Variants in SOAT2 observed in about 807,000 individuals in gnomAD.
SOAT2 encodes the protein ACAT-2.
In SOAT2, 87 loss-of-function variants were observed where a neutral mutation model predicts 76.0. That is an observed-to-expected ratio of 1.14 (90% confidence interval 0.96 to 1.37). The LOEUF (loss-of-function observed/expected upper bound fraction) is 1.37, where lower values mean the gene tolerates loss of function less well. Ranked by LOEUF, SOAT2 falls within the 40% of genes most tolerant of loss-of-function variation. The pLI is 0.00. For synonymous variants in SOAT2, 285 were observed against 275.4 expected, an observed-to-expected ratio of 1.03 and a Z score of -0.34; for missense variants, 686 against 682.1, an observed-to-expected ratio of 1.01 and a Z score of -0.06.
intron 5 of SOAT2, among the ~76,000 whole-genome samples, chr12:53,112,649 T>C (rs918026441): frequency 6.6e-6 from 1 of 151,656 alleles, no homozygotes; most frequent in African/African-American, 2.4e-5. Flanking sequence ...CACATACGTA[T>C]ACACATCTTG....
rs1372289829 is a variant in SOAT2, at chr12:53,120,868, C to T, written c.1122C>T (p.Asp374=). Residue 374 remains aspartate, a synonymous_variant, in exon 11 of 15, where the codon GAC becomes GAT. Transcript: ENST00000301466. ...TTGCCGAGATGCTACGATTTGGAGA[C>T]AGGATGTTCTACCGGGTGGGGCCTG... ...NAFAEMLRFG[D]RMFYRDWWNS... 4 of 1,613,708 alleles carry T rather than the reference C, an allele frequency of 2.5e-6. No individual in the cohort carries two copies. The highest frequency in any genetic ancestry group is 3.4e-6 in the Non-Finnish European group (4 of 1,179,782).
chr12:53,121,426 G>T (rs752220734), intron 12 of SOAT2, 25 bp downstream of exon 12: 4 of 1,566,726 alleles, frequency 2.6e-6, no homozygotes, highest in Non-Finnish European at 3.5e-6. Flanking sequence ...GACCCCTTCA[G>T]CTCTCACAGT....
chr12:53,108,155 T>C (rs1937963768), intron 5 of SOAT2, among the ~76,000 whole-genome samples: 1 of 152,194 alleles, frequency 6.6e-6, no homozygotes, highest in Non-Finnish European at 1.5e-5. Context: ...TTTGTACCAA[T>C]AAATACCTAT....
intron 10 of SOAT2, 33 bp from the exon 11 acceptor site, chr12:53,120,753 C>T (rs1288112338): frequency 1.5e-5 from 23 of 1,551,676 alleles, no homozygotes; most frequent in Non-Finnish European, 2.0e-5. Flanking sequence ...TGTGGGCCAG[C>T]CTGACCTGCA....
chr12:53,114,037 T>C (rs998293953), intron 5 of SOAT2, among the ~76,000 whole-genome samples: 12 of 152,218 alleles, frequency 7.9e-5, no homozygotes, highest in Admixed American at 7.2e-4. Flanking sequence ...GGTGGGCTTT[T>C]GTTACATTCT....
At chr12:53,122,771 C>T (rs556158426) in intron 12 of SOAT2, among the ~76,000 whole-genome samples, 100 of 151,360 alleles carry the variant, frequency 6.6e-4, no homozygotes, top group South Asian at 1.2e-3. Flanking sequence ...TTTCTCAATC[C>T]TTTCCCCACC....
rs775298263 is a variant in SOAT2, at chr12:53,123,771, A to G, written c.1416A>G (p.Ala472=). ...FMMHDQRTGP[A]WNVLMWTMLF... ...TGCATGACCAGCGCACCGGCCCGGC[A>G]TGGAACGTGCTGATGTGGACCATGC... The change falls in exon 14 of 15, where the codon GCA becomes GCG. Residue 472 remains alanine, a synonymous_variant. Coordinates refer to ENST00000301466, the MANE Select transcript of SOAT2 (RefSeq NM_003578.4). 3 of 1,614,028 alleles carry G rather than the reference A, an allele frequency of 1.9e-6. No homozygotes were observed. Among genetic ancestry groups the G allele is most frequent in the African/African-American group, 1.3e-5 (1 of 74,902 alleles).
At chr12:53,114,538 T>G (rs1014146024) in intron 5 of SOAT2, among the ~76,000 whole-genome samples, 1 of 151,792 alleles carries the variant, frequency 6.6e-6, no homozygotes, top group Non-Finnish European at 1.5e-5. Context: ...CTGGCCAATA[T>G]GGTGAAACCC....
chr12:53,104,674 G>T (rs1020604709), intron 2 of SOAT2, among the ~76,000 whole-genome samples: 2 of 152,168 alleles, frequency 1.3e-5, no homozygotes, highest in Non-Finnish European at 2.9e-5. Flanking sequence ...TCAGCCAGTA[G>T]ATAGAGTCTT....
At position 53,103,631 on chromosome 12, in the gene SOAT2, G is replaced by A; in HGVS notation, c.54G>A (p.Gly18=). ...LRLQRTEGLG[G]ERERQPCGDG... ...TGCAGAGGACAGAAGGGCTGGGAGG[G>A]GAGCGGGAGCGCCAACCCTGTGGAG... The change falls in exon 1 of 15, where the codon GGG becomes GGA. Residue 18 remains glycine (G), a synonymous_variant. Coordinates refer to ENST00000301466, the MANE Select transcript of SOAT2 (RefSeq NM_003578.4). The A allele has an allele frequency of 4.5e-6, 7 of 1,542,614 alleles. No individual in the cohort carries two copies. The highest frequency in any genetic ancestry group is 6.1e-6 in the Non-Finnish European group (7 of 1,145,122).
chr12:53,114,658 T>C (rs1592277446), intron 5 of SOAT2, among the ~76,000 whole-genome samples: 5 of 151,952 alleles, frequency 3.3e-5, no homozygotes, highest in African/African-American at 1.2e-4. Context: ...GAGGCGGAGG[T>C]TGCAGTGAGC....
chr12:53,124,125 G>T lies in SOAT2; in HGVS notation c.*2G>T, dbSNP rs762232374. The T allele has an allele frequency of 1.9e-5, 31 of 1,614,016 alleles. No individual in the cohort carries two copies. In the African/African-American group the frequency reaches 3.9e-4, roughly 20 times the overall value. ...CGATCTTGGTCCTGCCATACCTAGA[G>T]GTCGGGACAGACGACGCTACCTGCC... On this transcript the variant is annotated 3_prime_UTR_variant, in exon 15 of 15. Transcript: ENST00000301466.
At chr12:53,108,402 T>C (rs1211550076) in intron 5 of SOAT2, among the ~76,000 whole-genome samples, 2 of 152,240 alleles carry the variant, frequency 1.3e-5, no homozygotes, top group Non-Finnish European at 2.9e-5. Flanking sequence ...TTTCCAATTA[T>C]GTCCTGTTAC....
rs142498453 is a variant in SOAT2, at chr12:53,105,966, G to A, written c.395G>A (p.Cys132Tyr). The A allele has an allele frequency of 1.8e-4, 288 of 1,614,142 alleles. No individual in the cohort carries two copies. In the African/African-American group the frequency reaches 3.5e-3, roughly 20 times the overall value. The change falls in exon 5 of 15, where the codon TGT becomes TAT. Residue 132 changes from cysteine (C) to tyrosine (Y), a missense_variant. Coordinates refer to ENST00000301466, the MANE Select transcript of SOAT2 (RefSeq NM_003578.4). Reference sequence around the variant, plus strand: ...TACCACATGTTCATCGCTGGCCTGTGTGTCTTCATCATCAGCACCCTGGCC... The same window carrying A: ...TACCACATGTTCATCGCTGGCCTGTATGTCTTCATCATCAGCACCCTGGCC... Reference protein sequence around the residue: ...TIYHMFIAGLCVFIISTLAID... With the variant: ...TIYHMFIAGLYVFIISTLAID...
chr12:53,103,642 G>A lies in SOAT2; in HGVS notation c.65G>A (p.Arg22His), dbSNP rs201663448. 1.8e-4 allele frequency: 273 copies of A among 1,539,456 alleles called. 1 individual carries two copies. In the African/African-American group the frequency reaches 2.3e-3, roughly 13 times the overall value. ...RTEGLGGERE[R>H]QPCGDGNTET... Reference sequence around the variant, plus strand: ...GAAGGGCTGGGAGGGGAGCGGGAGCGCCAACCCTGTGGAGATGGTGAGCCG... The same window carrying A: ...GAAGGGCTGGGAGGGGAGCGGGAGCACCAACCCTGTGGAGATGGTGAGCCG... The change falls in exon 1 of 15, where the codon CGC becomes CAC. Residue 22 changes from arginine to histidine, a missense_variant. Arg to His is a conservative substitution (Grantham distance 29, BLOSUM62 0). Coordinates refer to ENST00000301466, the MANE Select transcript of SOAT2 (RefSeq NM_003578.4).
At chr12:53,118,851 G>A (rs1278893010) in intron 8 of SOAT2, 39 bp from the exon 9 acceptor site, 1 of 1,611,912 alleles carries the variant, frequency 6.2e-7, no homozygotes, top group South Asian at 1.1e-5. Flanking sequence ...AGAACAACAT[G>A]AAAGAATGAG....
chr12:53,122,649 G>A (rs548756639), intron 12 of SOAT2, among the ~76,000 whole-genome samples: 23 of 152,004 alleles, frequency 1.5e-4, no homozygotes, highest in African/African-American at 4.8e-4. Context: ...AGGGTTGGGG[G>A]TAAGGTCACA....
rs148951831 is a variant in SOAT2 at position 53,120,837 on chromosome 12, A to G, written c.1091A>G (p.Asn364Ser). The G allele has an allele frequency of 1.2e-6, 2 of 1,613,896 alleles. No individual in the cohort carries two copies. Among genetic ancestry groups the G allele is most frequent in the Non-Finnish European group, 1.7e-6 (2 of 1,179,930 alleles). Residue 364 changes from asparagine to serine, a missense_variant, in exon 11 of 15, where the codon AAC becomes AGC. Transcript: ENST00000301466. ...IFFAFLHCWL[N>S]AFAEMLRFGD... ...TTTGCCTTCCTCCATTGCTGGCTCAACGCCTTTGCCGAGATGCTACGATTT... is the reference window on the plus strand; with the variant it reads ...TTTGCCTTCCTCCATTGCTGGCTCAGCGCCTTTGCCGAGATGCTACGATTT...
Position 53,116,166 on chromosome 12 carries a change from G to A in SOAT2, c.778G>A (p.Gly260Ser), listed in dbSNP as rs767840924. The A allele has an allele frequency of 6.2e-7, 1 of 1,613,688 alleles. No homozygotes were observed. Among genetic ancestry groups the A allele is most frequent in the South Asian group, 1.1e-5 (1 of 91,064 alleles). Residue 260 changes from glycine to serine, a missense_variant and splice_region_variant, in exon 7 of 15, where the codon GGT (glycine) becomes AGT (serine). By Grantham distance (56) the Gly-to-Ser change is moderately conservative. Coordinates refer to ENST00000301466, the MANE Select transcript of SOAT2 (RefSeq NM_003578.4). The part of the protein sequence containing the change: ...AVPGTLRARR[G>S]EGIQAPSFSS... ...GCCTGGGACCCTTCGTGCCAGACGA[G>A]GTGAGGCCTTCATCTTGCCCGGTTG...
Sources: allele counts gnomAD v4.1 joint callset (sites outside exome capture counted in the v4.1 genomes callset), GRCh38; gene constraint gnomAD v4.1.1; transcripts MANE v1.5; gene names NCBI Gene and HGNC (gene_info 2026-07-23, HGNC 2026-07-21).